The following ELAPOR1 variants were observed in gnomAD, a reference collection of about 807,000 sequenced individuals.
ELAPOR1 encodes endosome-lysosome associated apoptosis and autophagy regulator 1.
In ELAPOR1, 77 loss-of-function variants were observed where a neutral mutation model predicts 119.7. The observed-to-expected ratio is 0.64, with a 90% CI of 0.54 to 0.78. ELAPOR1 has a LOEUF of 0.78. ELAPOR1 is among the 30% of genes least tolerant of loss of function. ELAPOR1 has a pLI of 0.00. For missense variants in ELAPOR1, 1,115 were observed against 1,270.4 expected (o/e 0.88, Z 1.86); for synonymous variants, 481 against 487.2 (o/e 0.99, Z 0.17).
intron 1 of ELAPOR1, among the ~76,000 whole-genome samples, chr1:109,117,903 G>C (rs573306713): frequency 1.3e-5 from 2 of 152,216 alleles, no homozygotes; most frequent in Non-Finnish European, 2.9e-5. Context: ...GCCGAGGCAG[G>C]TGGATCACCT....
At position 109,191,753 on chromosome 1, in the gene ELAPOR1, G is replaced by A. The variant is rs745513530; in HGVS notation, c.1573G>A (p.Val525Met). The A allele has an allele frequency of 9.9e-6, 16 of 1,614,100 alleles. 2 individuals carry two copies. In the South Asian group the frequency reaches 1.8e-4, roughly 18 times the overall value. The change falls in exon 13 of 22, where the codon GTG becomes ATG. Residue 525 changes from valine (V) to methionine (M), a missense_variant. Val to Met is a conservative substitution (Grantham distance 21). Transcript: ENST00000369939. Reference sequence around the variant, plus strand: ...TGTGAATTCTAGGACCAACACTCCTGTGGAGACGTGGAAAGGTTCCAAAGG... The same window carrying A: ...TGTGAATTCTAGGACCAACACTCCTATGGAGACGTGGAAAGGTTCCAAAGG... ...VGVNSRTNTP[V>M]ETWKGSKGKQ... is the part of the protein sequence containing the mutation.
chr1:109,191,257 C>CA lies in ELAPOR1; in HGVS notation c.1440-108dup, dbSNP rs1019382048. On this transcript the variant is annotated intron_variant, in intron 11 of 21. Transcript: ENST00000369939. Reference sequence around the variant, plus strand: ...TGGATTTAGTCCACACGCTTTCCATCATACTCAGAACTTAACCCTGTCCCC... The same window carrying CA: ...TGGATTTAGTCCACACGCTTTCCATCAATACTCAGAACTTAACCCTGTCCCC... 9.1e-5 allele frequency: 64 copies of CA among 706,066 alleles called. No individual in the cohort carries two copies. The Middle Eastern group carries it at 1.0e-3, about 11-fold the overall frequency. The allele number at this position is 706,066 out of a possible 1,614,324, so 43.7% of individuals were successfully genotyped here.
intron 1 of ELAPOR1, among the ~76,000 whole-genome samples, chr1:109,120,733 G>A (rs955129037): frequency 3.3e-5 from 5 of 152,094 alleles, no homozygotes; most frequent in Admixed American, 1.3e-4. Context: ...CTTGGGGGTC[G>A]TGTTTACCTA....
chr1:109,162,191 A>G (rs1651309524), intron 2 of ELAPOR1, among the ~76,000 whole-genome samples, 177 bp downstream of exon 2: 1 of 152,238 alleles, frequency 6.6e-6, no homozygotes, highest in African/African-American at 2.4e-5. Flanking sequence ...GAAGTATTTC[A>G]TGAATGCAAA....
Position 109,191,470 on chromosome 1 carries a change from T to C in ELAPOR1, c.1544T>C (p.Val515Ala), listed in dbSNP as rs1252063532. 43 of 1,613,056 alleles carry C rather than the reference T, an allele frequency of 2.7e-5. No individual in the cohort carries two copies. Among genetic ancestry groups the C allele is most frequent in the Non-Finnish European group, 3.6e-5 (42 of 1,179,092 alleles). ...CSVNCELYFM[V>A]GVNSRTNTPV... The stretch of plus-strand genomic sequence containing the variant: ...GTGAACTGTGAGCTCTACTTCATGG[T>C]GGTACGTTTTCCTTTCTTTGCCCGC... Residue 515 changes from valine (V) to alanine (A), a missense_variant and splice_region_variant, in exon 12 of 22, where the codon GTG (valine) becomes GCG (alanine). Transcript: ENST00000369939.
intron 21 of ELAPOR1, 133 bp downstream of exon 21, chr1:109,201,033 C>G (rs1355716490): frequency 1.2e-6 from 1 of 858,176 alleles, no homozygotes; most frequent in Admixed American, 2.9e-5. Flanking sequence ...TTCCATTTCC[C>G]CACTCTGAAA....
Position 109,170,324 on chromosome 1 carries a change from C to T in ELAPOR1, c.468-1542C>T, listed in dbSNP as rs149539701. 6.5e-3 allele frequency among the ~76,000 whole-genome samples: 987 copies of T among 152,042 alleles called. 4 individuals carry two copies. The highest frequency in any genetic ancestry group is 0.018 in the South Asian group (85 of 4,810). On this transcript the variant is annotated intron_variant, in intron 3 of 21. Coordinates refer to ENST00000369939, the MANE Select transcript of ELAPOR1 (RefSeq NM_020775.5). ...GAACTTCTTAAGCAGGGTGATGGGT[C>T]GGGGAGTGTTCATTACACCATTGTA...
Position 109,144,061 on chromosome 1 carries a change from A to ATATATTTTTTTTTTTTT in ELAPOR1, c.154-17832_154-17831insATATTTTTTTTTTTTTT. On this transcript the variant is annotated intron_variant, in intron 1 of 21. Coordinates refer to ENST00000369939, the MANE Select transcript of ELAPOR1 (RefSeq NM_020775.5). ...TATATATATATATATATATTTATAT[A>ATATATTTTTTTTTTTTT]TTTTTTTTTTTTTTTGAGATGGAGT... Among the ~76,000 whole-genome samples the ATATATTTTTTTTTTTTT allele has an allele frequency of 1.6e-4, 14 of 89,014 alleles. 1 individual carries two copies. Among genetic ancestry groups the ATATATTTTTTTTTTTTT allele is most frequent in the African/African-American group, 4.3e-4 (9 of 20,728 alleles). 58.4% of individuals were successfully genotyped at this position (89,014 alleles called of 152,430 possible).
intron 3 of ELAPOR1, among the ~76,000 whole-genome samples, chr1:109,167,729 C>A (rs1201366349): frequency 6.6e-6 from 1 of 152,182 alleles, no homozygotes; most frequent in Non-Finnish European, 1.5e-5. Flanking sequence ...CCCACCTCAA[C>A]CTCCCGCGTA....
intron 8 of ELAPOR1, 189 bp from the exon 9 acceptor site, chr1:109,187,988 A>G: frequency 1.5e-6 from 2 of 1,356,606 alleles, no homozygotes; most frequent in Non-Finnish European, 1.9e-6. Flanking sequence ...GATTGAACAC[A>G]ACCATGACTC....
At chr1:109,124,469 G>T (rs969333650) in intron 1 of ELAPOR1, among the ~76,000 whole-genome samples, 14 of 152,100 alleles carry the variant, frequency 9.2e-5, no homozygotes, top group Non-Finnish European at 2.1e-4. Context: ...AACCAATTCA[G>T]ATAACCAACC....
intron 1 of ELAPOR1, among the ~76,000 whole-genome samples, chr1:109,126,892 A>T (rs766005214): frequency 6.6e-6 from 1 of 152,224 alleles, no homozygotes; most frequent in Non-Finnish European, 1.5e-5. Flanking sequence ...TCACTGAGAC[A>T]TGGAGGGCCA....
In ELAPOR1 at chr1:109,197,469, A is replaced by G. The variant is rs758029062; in HGVS notation, c.2122-5A>G. ...CCTACTTCTTCCTCCCCACTCCCCA[A>G]CCAGGGTAGGAAAATGTCTGTGTGC... On this transcript the variant is annotated splice_polypyrimidine_tract_variant and splice_region_variant and intron_variant, in intron 15 of 21. Coordinates refer to ENST00000369939, the MANE Select transcript of ELAPOR1 (RefSeq NM_020775.5). 1.2e-6 allele frequency: 2 copies of G among 1,612,872 alleles called. No homozygotes were observed. Among genetic ancestry groups the G allele is most frequent in the South Asian group, 1.1e-5 (1 of 91,016 alleles).
intron 1 of ELAPOR1, among the ~76,000 whole-genome samples, chr1:109,139,638 G>T (rs891181172): frequency 2.0e-5 from 3 of 152,034 alleles, no homozygotes; most frequent in Admixed American, 2.0e-4. Context: ...GACATGAATT[G>T]GAGGTTAAAA....
intron 1 of ELAPOR1, among the ~76,000 whole-genome samples, chr1:109,126,944 C>T (rs899148476): frequency 6.6e-6 from 1 of 152,134 alleles, no homozygotes; most frequent in African/African-American, 2.4e-5. Context: ...CCAGCTTGTC[C>T]GGATCAGGGC....
At chr1:109,153,534 A>C (rs1238000498) in intron 1 of ELAPOR1, among the ~76,000 whole-genome samples, 1 of 152,246 alleles carries the variant, frequency 6.6e-6, no homozygotes, top group African/African-American at 2.4e-5. Context: ...GCATGTGTAC[A>C]TGCATGTATA....
chr1:109,149,624 G>A (rs1650406993), intron 1 of ELAPOR1, among the ~76,000 whole-genome samples: 1 of 152,200 alleles, frequency 6.6e-6, no homozygotes, highest in East Asian at 1.9e-4. Context: ...AAGCTACTAT[G>A]TCAGGTGCTG....
At position 109,114,166 on chromosome 1, in the gene ELAPOR1, C is replaced by G; in HGVS notation, c.-18C>G. 1 of 1,540,248 alleles carries G rather than the reference C, an allele frequency of 6.5e-7. No individual in the cohort carries two copies. The highest frequency in any genetic ancestry group is 1.2e-5 in the South Asian group (1 of 83,098). On this transcript the variant is annotated 5_prime_UTR_variant, in exon 1 of 22. Coordinates refer to ENST00000369939, the MANE Select transcript of ELAPOR1 (RefSeq NM_020775.5). ...CGCAGCACCTGAGCCGCTACTGCCG[C>G]TCACTCAGGACAACGCTATGGCTGA...
At chr1:109,147,428 T>C (rs1328668443) in intron 1 of ELAPOR1, among the ~76,000 whole-genome samples, 3 of 152,136 alleles carry the variant, frequency 2.0e-5, no homozygotes, top group African/African-American at 7.2e-5. Flanking sequence ...TCATTGATTG[T>C]CAAGGATTAT....
Sources: allele counts gnomAD v4.1 joint callset (sites outside exome capture counted in the v4.1 genomes callset), GRCh38; gene constraint gnomAD v4.1.1; transcripts MANE v1.5; gene names NCBI Gene and HGNC (gene_info 2026-07-23, HGNC 2026-07-21).